ACTR3C: variants seen among roughly 807,000 people sequenced by gnomAD.
ACTR3C encodes the protein actin-related protein 3C.
In ACTR3C, 18 loss-of-function variants were observed where a neutral mutation model predicts 26.3. The ratio of observed to expected loss-of-function variants is 0.68; its 90% CI spans 0.47 to 1.01. The LOEUF (loss-of-function observed/expected upper bound fraction) is 1.01. ACTR3C is among the 50% of genes least tolerant of loss of function. ACTR3C has a pLI of 0.00. For missense variants in ACTR3C, 184 were observed against 250.7 expected, an observed-to-expected ratio of 0.73 and a Z score of 1.80; for synonymous variants, 55 against 94.5, an observed-to-expected ratio of 0.58 and a Z score of 2.42.
intron 6 of ACTR3C, among the ~76,000 whole-genome samples, chr7:150,273,136 A>G (rs900541066): frequency 6.6e-6 from 1 of 150,474 alleles, no homozygotes; most frequent in Non-Finnish European, 1.5e-5. Flanking sequence ...TATCCCACAC[A>G]ACAGTCTGAA....
chr7:150,058,579 T>C, the ACTR3C span, among the ~76,000 whole-genome samples: 1 of 152,120 alleles, frequency 6.6e-6, no homozygotes, highest in Non-Finnish European at 1.5e-5. Flanking sequence ...TTGAACATAG[T>C]TGTGTGAGGA....
the ACTR3C span, among the ~76,000 whole-genome samples, chr7:150,135,097 C>G: frequency 4.4e-4 from 67 of 152,140 alleles, no homozygotes; most frequent in African/African-American, 1.5e-3. Context: ...TGGGTGAAAC[C>G]CCGTTTCTAC....
At chr7:150,260,944 T>C (rs943731521) in intron 6 of ACTR3C, among the ~76,000 whole-genome samples, 38 of 152,128 alleles carry the variant, frequency 2.5e-4, no homozygotes, top group African/African-American at 8.2e-4. Flanking sequence ...TTATAAATGC[T>C]AAAGGAAGAA....
the ACTR3C span, among the ~76,000 whole-genome samples, chr7:149,924,165 C>T: frequency 0.43 from 64,326 of 150,040 alleles, 14,264 homozygotes; most frequent in South Asian, 0.55. Context: ...CACCTGAGGT[C>T]AGGGGTTTGA....
the ACTR3C span, among the ~76,000 whole-genome samples, chr7:150,195,695 A>G: frequency 2.6e-5 from 4 of 152,236 alleles, no homozygotes; most frequent in Non-Finnish European, 4.4e-5. Flanking sequence ...CCTGGCCAAC[A>G]TGGTGAAACC....
At chr7:150,035,769 T>G in the ACTR3C span, among the ~76,000 whole-genome samples, 2 of 130,536 alleles carry the variant, frequency 1.5e-5, no homozygotes, top group African/African-American at 5.7e-5. Flanking sequence ...GTCCCCCCTC[T>G]GCGATGGGGT....
the ACTR3C span, among the ~76,000 whole-genome samples, chr7:150,138,283 G>A: frequency 6.6e-6 from 1 of 152,140 alleles, no homozygotes; most frequent in Non-Finnish European, 1.5e-5. Flanking sequence ...CAAAAGACGA[G>A]AACTTGAAAA....
chr7:150,152,785 G>T, the ACTR3C span, among the ~76,000 whole-genome samples: 1 of 152,002 alleles, frequency 6.6e-6, no homozygotes, highest in African/African-American at 2.4e-5. Context: ...CTTTTTGGTT[G>T]GTAAGCTATT....
the ACTR3C span, among the ~76,000 whole-genome samples, chr7:150,021,449 G>A: frequency 2.7e-5 from 4 of 149,696 alleles, no homozygotes; most frequent in Non-Finnish European, 4.4e-5. Context: ...TTCAACACAT[G>A]TATCTCTTTT....
the ACTR3C span, among the ~76,000 whole-genome samples, chr7:150,160,071 A>G: frequency 6.6e-6 from 1 of 152,150 alleles, no homozygotes; most frequent in South Asian, 2.1e-4. Flanking sequence ...CTGGGGTTAC[A>G]GGTGTGAGCC....
At chr7:150,048,785 T>C in the ACTR3C span, among the ~76,000 whole-genome samples, 1 of 151,804 alleles carries the variant, frequency 6.6e-6, no homozygotes, top group Non-Finnish European at 1.5e-5. Flanking sequence ...CGCGGGGTGG[T>C]CGGACGACGC....
intron 6 of ACTR3C, among the ~76,000 whole-genome samples, chr7:150,265,742 G>T (rs1242998904): frequency 6.6e-6 from 1 of 152,000 alleles, no homozygotes; most frequent in Admixed American, 6.5e-5. Flanking sequence ...CAGCAAAAGT[G>T]ATACACTCTT....
At chr7:150,198,964 C>G in the ACTR3C span, among the ~76,000 whole-genome samples, 1 of 136,122 alleles carries the variant, frequency 7.3e-6, no homozygotes, top group Admixed American at 7.0e-5. Context: ...CCAGCCGCCC[C>G]GTCCGGGAGG....
chr7:150,042,784 C>CGTAA, the ACTR3C span, among the ~76,000 whole-genome samples: 2 of 150,860 alleles, frequency 1.3e-5, no homozygotes, highest in Non-Finnish European at 2.9e-5. Flanking sequence ...TGTTTAGAGA[C>CGTAA]GTAGGCTACC....
the ACTR3C span, among the ~76,000 whole-genome samples, chr7:150,014,614 C>T: frequency 2.6e-5 from 4 of 151,326 alleles, no homozygotes; most frequent in Admixed American, 2.6e-4. Flanking sequence ...AAACTTGATT[C>T]TATCAGCCTT....
At chr7:150,123,796 T>G in the ACTR3C span, among the ~76,000 whole-genome samples, 3 of 152,322 alleles carry the variant, frequency 2.0e-5, no homozygotes, top group African/African-American at 7.2e-5. Context: ...AGAAGAAGTA[T>G]GCAGAATGAA....
At chr7:150,053,550 T>G in the ACTR3C span, among the ~76,000 whole-genome samples, 1 of 152,268 alleles carries the variant, frequency 6.6e-6, no homozygotes, top group Admixed American at 6.5e-5. Context: ...TAGAACTGTC[T>G]GTGAGCCGCA....
the ACTR3C span, among the ~76,000 whole-genome samples, chr7:150,047,400 C>T: frequency 6.6e-6 from 1 of 152,184 alleles, no homozygotes; most frequent in Non-Finnish European, 1.5e-5. Context: ...AACTCCCGGC[C>T]GCCGCGGCTG....
the ACTR3C span, among the ~76,000 whole-genome samples, chr7:150,198,429 A>T: frequency 1.5e-5 from 2 of 136,992 alleles, no homozygotes; most frequent in Non-Finnish European, 3.1e-5. Context: ...CATCACATCT[A>T]GGAAGTGAGG....
Sources: allele counts gnomAD v4.1 joint callset (sites outside exome capture counted in the v4.1 genomes callset), GRCh38; gene constraint gnomAD v4.1.1; transcripts MANE v1.5; gene names NCBI Gene and HGNC (gene_info 2026-07-23, HGNC 2026-07-21).